The following MATN2 variants were observed in gnomAD, a reference collection of about 807,000 sequenced individuals.
MATN2 encodes matrilin-2.
A neutral mutation model predicts 103.2 loss-of-function variants in MATN2; 69 were observed. The ratio of observed to expected loss-of-function variants is 0.67; its 90% confidence interval spans 0.55 to 0.82. The LOEUF is 0.82. Among genes scored for constraint, MATN2 ranks in the 40% least tolerant of loss-of-function variants. The pLI is 0.00. For synonymous variants in MATN2, 429 were observed against 450.2 expected (o/e 0.95, Z 0.60); for missense variants, 1,023 against 1,211.5 (o/e 0.84, Z 2.31).
chr8:97,948,664 A>T (rs533373654), intron 4 of MATN2, among the ~76,000 whole-genome samples: 74 of 152,354 alleles, frequency 4.9e-4, no homozygotes, highest in African/African-American at 1.7e-3. Context: ...AAGCAAACAA[A>T]CAAAAGGAAC....
At chr8:98,033,837 G>GC in intron 18 of MATN2, 178 bp downstream of exon 18, 1 of 558,690 alleles carries the variant, frequency 1.8e-6, no homozygotes, top group East Asian at 2.9e-5. Context: ...AGAGGCAAGG[G>GC]CAAGCCAAGC....
intron 2 of MATN2, among the ~76,000 whole-genome samples, chr8:97,928,509 A>T (rs940397623): frequency 3.3e-5 from 5 of 152,182 alleles, no homozygotes; most frequent in African/African-American, 7.2e-5. Context: ...TACAGGCGTG[A>T]GCCACTGCAC....
chr8:97,996,001 A>G (rs1178381681), intron 7 of MATN2, among the ~76,000 whole-genome samples: 1 of 152,156 alleles, frequency 6.6e-6, no homozygotes, highest in Non-Finnish European at 1.5e-5. Flanking sequence ...TGCTATTTAC[A>G]CCTTTTGCTA....
chr8:97,961,926 C>T (rs1004501320), intron 5 of MATN2, among the ~76,000 whole-genome samples: 6 of 152,178 alleles, frequency 3.9e-5, no homozygotes, highest in African/African-American at 9.7e-5. Flanking sequence ...TCAAAGACAA[C>T]GGGCAGCCTT....
At chr8:97,911,611 G>A (rs939666391) in intron 2 of MATN2, among the ~76,000 whole-genome samples, 3 of 151,956 alleles carry the variant, frequency 2.0e-5, no homozygotes, top group Non-Finnish European at 4.4e-5. Context: ...GGAGGCTGAG[G>A]AAGGAGAATC....
Position 98,016,663 on chromosome 8 carries a change from G to GT in MATN2, c.1696+2dup. 6.2e-7 allele frequency: 1 copy of GT among 1,610,552 alleles called. No individual in the cohort carries two copies. The highest frequency in any genetic ancestry group is 8.5e-7 in the Non-Finnish European group (1 of 1,178,076). Reference sequence around the variant, plus strand: ...CGTGAAGATGGAAAAACCTGCAGAAGTAAGTTTGTACTGGAGCTGGCTCCT... The same window carrying GT: ...CGTGAAGATGGAAAAACCTGCAGAAGTTAAGTTTGTACTGGAGCTGGCTCCT... On this transcript the variant is annotated splice_donor_variant, in intron 11 of 18. Transcript: ENST00000254898. LOFTEE classifies it high-confidence loss of function.
At chr8:97,988,171 A>AAAATATAT (rs1252963740) in intron 6 of MATN2, among the ~76,000 whole-genome samples, 4 of 46,104 alleles carry the variant, frequency 8.7e-5, no homozygotes, top group African/African-American at 5.1e-4. Flanking sequence ...AAAAAAAAAA[A>AAAATATAT]ATATATATAT....
chr8:97,880,444 TG>T (rs1355949172), intron 1 of MATN2, among the ~76,000 whole-genome samples: 44 of 152,376 alleles, frequency 2.9e-4, no homozygotes, highest in Non-Finnish European at 1.9e-4. Flanking sequence ...CCAGGCATTG[TG>T]AAGACCCTGT....
intron 7 of MATN2, among the ~76,000 whole-genome samples, chr8:98,000,604 A>AAAGAAAAAAAAAAAG (rs1554613599): frequency 7.9e-6 from 1 of 127,208 alleles, no homozygotes; most frequent in African/African-American, 3.0e-5. Flanking sequence ...CTCAAAAAAA[A>AAAGAAAAAAAAAAAG]AAAAAAGAAA....
At chr8:97,911,704 T>A (rs1057006606) in intron 2 of MATN2, among the ~76,000 whole-genome samples, 6 of 151,138 alleles carry the variant, frequency 4.0e-5, no homozygotes, top group Non-Finnish European at 7.4e-5. Flanking sequence ...AGACTCTGTC[T>A]CAAAAAAAAA....
intron 4 of MATN2, among the ~76,000 whole-genome samples, chr8:97,942,678 C>T (rs890204031): frequency 1.1e-4 from 17 of 152,198 alleles, no homozygotes; most frequent in Admixed American, 9.8e-4. Context: ...ACACTTAGTT[C>T]GTGCAGTGCA....
intron 7 of MATN2, among the ~76,000 whole-genome samples, chr8:98,000,368 G>A (rs1812736863): frequency 6.6e-6 from 1 of 151,612 alleles, no homozygotes; most frequent in Non-Finnish European, 1.5e-5. Flanking sequence ...GGAGGCTGAG[G>A]CGGGTGGATC....
At position 98,007,637 on chromosome 8, in the gene MATN2, T is replaced by C. The variant is rs747773024; in HGVS notation, c.1573+36T>C. The C allele has an allele frequency of 5.0e-6, 8 of 1,587,540 alleles. No individual in the cohort carries two copies. In the South Asian group the frequency reaches 8.9e-5, roughly 18 times the overall value. ...GAAGGACAAGCAGGACCTGCACAGG[T>C]GTTCCGTGGGTGCCGGTGTGGGTGC... On this transcript the variant is annotated intron_variant, in intron 10 of 18. Coordinates refer to ENST00000254898, the MANE Select transcript of MATN2 (RefSeq NM_002380.5). This position sits in a 1 kb window ranked among gnomAD's most constrained non-coding sequence, Gnocchi z 4.2.
chr8:97,957,295 A>G (rs1310058181), intron 4 of MATN2, among the ~76,000 whole-genome samples: 3 of 152,208 alleles, frequency 2.0e-5, no homozygotes, highest in Non-Finnish European at 2.9e-5. Context: ...GGCCTCAGAG[A>G]GAAAGAAGGG....
rs111939859 is a variant in MATN2 at position 97,891,802 on chromosome 8, T to TA, written c.142+3566dup. ...AATGTGTTAACAAACTATATATGTA[T>TA]AAAAAACTATATTTTCTGGCCAGGT... On this transcript the variant is annotated intron_variant, in intron 2 of 18. Transcript: ENST00000254898. 8.7e-3 allele frequency among the ~76,000 whole-genome samples: 1,319 copies of TA among 152,304 alleles called. 15 individuals carry two copies. Among genetic ancestry groups the TA allele is most frequent in the Non-Finnish European group, 0.012 (835 of 68,020 alleles).
In MATN2 at chr8:98,016,758, C is replaced by G. The variant is rs1240416200; in HGVS notation, c.1696+96C>G. On this transcript the variant is annotated intron_variant, in intron 11 of 18. Transcript: ENST00000254898. ...GTATATATCAGTTCCTCTCAGAAGT[C>G]AATGCCACACAGCAAAATGTAATGT... The G allele has an allele frequency of 2.8e-6, 4 of 1,410,746 alleles. No homozygotes were observed. In the East Asian group the frequency reaches 9.9e-5, roughly 35 times the overall value. 87.4% of individuals were successfully genotyped at this position (1,410,746 alleles called of 1,614,324 possible).
intron 7 of MATN2, among the ~76,000 whole-genome samples, chr8:97,995,197 A>G (rs920521320): frequency 6.6e-6 from 1 of 152,208 alleles, no homozygotes; most frequent in Non-Finnish European, 1.5e-5. Context: ...CCTGCTTAAG[A>G]CAAACCATTC....
chr8:98,003,720 G>T lies in MATN2; in HGVS notation c.1264G>T (p.Glu422Ter). ...TGAGCATGAGTGCGTCAACATGGAGGAGAGCTACTACTGCCGCTGCCACCG... is the reference window on the plus strand; with the variant it reads ...TGAGCATGAGTGCGTCAACATGGAGTAGAGCTACTACTGCCGCTGCCACCG... ...GCEHECVNME[E>*]SYYCRCHRGY... Residue 422 changes from glutamate to a stop codon, truncating the protein, a stop_gained, in exon 8 of 19, where the codon GAG (glutamate) becomes TAG (stop). Transcript: ENST00000254898. LOFTEE classifies it high-confidence loss of function. 1 of 1,613,660 alleles carries T rather than the reference G, an allele frequency of 6.2e-7. No homozygotes were observed. The highest frequency in any genetic ancestry group is 1.1e-5 in the South Asian group (1 of 91,060).
At chr8:97,968,273 C>T (rs979247162) in intron 5 of MATN2, among the ~76,000 whole-genome samples, 2 of 152,190 alleles carry the variant, frequency 1.3e-5, no homozygotes, top group African/African-American at 4.8e-5. Flanking sequence ...CTCTGAAATG[C>T]CTTTGAGGCC....
Sources: gnomAD v4.1 joint callset for allele counts (sites outside exome capture counted in the v4.1 genomes callset) on GRCh38, gnomAD v4.1.1 for gene constraint, Gnocchi (gnomAD v3.1) non-coding constraint, MANE v1.5 for transcripts, NCBI Gene and HGNC (gene_info 2026-07-23, HGNC 2026-07-21) for gene names.